FAM135B: variants seen among roughly 807,000 people sequenced by gnomAD.
FAM135B encodes the protein family with sequence similarity 135 member B.
Under a neutral mutation model 127.7 loss-of-function variants are expected in FAM135B, and 43 were observed. That is an observed-to-expected ratio of 0.34 (90% CI 0.26 to 0.43). The LOEUF (loss-of-function observed/expected upper bound fraction) is 0.43. Ranked by LOEUF, FAM135B falls within the 20% of genes least tolerant of loss-of-function variation. The probability of loss-of-function intolerance (pLI) is 1.00; values close to 1 mark genes in which losing one functional copy is unlikely to be tolerated. For synonymous variants in FAM135B, 670 were observed against 665.1 expected (o/e 1.01, Z -0.11); for missense variants, 1,558 against 1,725.6 (o/e 0.90, Z 1.72).
At chr8:138,410,719 G>C (rs188327026) in intron 1 of FAM135B, among the ~76,000 whole-genome samples, 1 of 152,170 alleles carries the variant, frequency 6.6e-6, no homozygotes, top group African/African-American at 2.4e-5. Context: ...TGTGGAAAGC[G>C]GTTGGAGATT....
At chr8:138,156,924 G>T (rs9693894) in intron 12 of FAM135B, among the ~76,000 whole-genome samples, 105,076 of 151,850 alleles carry the variant, frequency 0.69, 36,376 homozygotes, top group East Asian at 0.75. Context: ...GAAAAAGAGG[G>T]AATCCTCCCT....
chr8:138,234,731 T>C (rs1420563410), intron 7 of FAM135B, among the ~76,000 whole-genome samples: 3 of 152,234 alleles, frequency 2.0e-5, no homozygotes, highest in South Asian at 4.1e-4. Context: ...ACTCCGTGTA[T>C]AGGCAGACAT....
Position 138,132,550 on chromosome 8 carries a change from C to T in FAM135B, c.*43G>A, listed in dbSNP as rs1563663866. The T allele has an allele frequency of 6.6e-7, 1 of 1,519,252 alleles. No homozygotes were observed. The allele number at this position is 1,519,252 out of a possible 1,614,324, so 94.1% of individuals were successfully genotyped here. On this transcript the variant is annotated 3_prime_UTR_variant, in exon 20 of 20. Transcript: ENST00000395297. The surrounding 1 kb of genome is among the most constrained non-coding windows in gnomAD (Gnocchi z 4.5). Reference sequence around the variant, plus strand: ...AAAGCAGGTCTCAGCTAAAGCTCTCCACCGATCGTAAGCATTACCAAAGAC... The same window carrying T: ...AAAGCAGGTCTCAGCTAAAGCTCTCTACCGATCGTAAGCATTACCAAAGAC...
At chr8:138,346,310 C>G (rs1326686721) in intron 2 of FAM135B, among the ~76,000 whole-genome samples, 1 of 152,148 alleles carries the variant, frequency 6.6e-6, no homozygotes, top group Admixed American at 6.5e-5. Context: ...GGCATACAAC[C>G]AAGGAAATAT....
intron 7 of FAM135B, among the ~76,000 whole-genome samples, chr8:138,205,134 G>A (rs1817456306): frequency 6.6e-6 from 1 of 152,090 alleles, no homozygotes; most frequent in East Asian, 1.9e-4. Flanking sequence ...CTTATTATTT[G>A]ACTCTTAAAT....
chr8:138,429,012 T>C (rs911438319), intron 1 of FAM135B, among the ~76,000 whole-genome samples: 13 of 152,188 alleles, frequency 8.5e-5, no homozygotes, highest in Non-Finnish European at 1.5e-4. Flanking sequence ...TCAGAGCTTA[T>C]CTTTTGTAGT....
chr8:138,299,710 A>C (rs1825740298), intron 3 of FAM135B, among the ~76,000 whole-genome samples: 1 of 152,178 alleles, frequency 6.6e-6, no homozygotes, highest in Non-Finnish European at 1.5e-5. Flanking sequence ...GTCTCTATGA[A>C]AATGTCAGTG....
At chr8:138,142,462 C>T (rs1817277596) in intron 16 of FAM135B, among the ~76,000 whole-genome samples, 1 of 151,808 alleles carries the variant, frequency 6.6e-6, no homozygotes, top group Non-Finnish European at 1.5e-5. Flanking sequence ...CGCCACCACT[C>T]CCAGCTAATA....
At chr8:138,352,271 C>A (rs1455237074) in intron 2 of FAM135B, among the ~76,000 whole-genome samples, 1 of 152,154 alleles carries the variant, frequency 6.6e-6, no homozygotes, top group African/African-American at 2.4e-5. Context: ...CTTTAAATAT[C>A]AAATCTGAAT....
At chr8:138,376,079 C>T (rs548977767) in intron 1 of FAM135B, among the ~76,000 whole-genome samples, 17 of 151,972 alleles carry the variant, frequency 1.1e-4, no homozygotes, top group East Asian at 3.9e-4. Flanking sequence ...CTGCAACCTC[C>T]GCCTCCTGGG....
intron 1 of FAM135B, among the ~76,000 whole-genome samples, chr8:138,379,898 A>G (rs1000984057): frequency 6.6e-6 from 1 of 152,236 alleles, no homozygotes; most frequent in Non-Finnish European, 1.5e-5. Flanking sequence ...CAGGAGCTGA[A>G]GACGGGATTC....
At chr8:138,180,988 C>A (rs1293177835) in intron 9 of FAM135B, among the ~76,000 whole-genome samples, 1 of 152,004 alleles carries the variant, frequency 6.6e-6, no homozygotes, top group African/African-American at 2.4e-5. Flanking sequence ...TACCTGTAAT[C>A]CCAGAACTTT....
chr8:138,151,729 G>A lies in FAM135B; in HGVS notation c.2746C>T (p.Gln916Ter), dbSNP rs534389609. The part of the protein sequence containing the change: ...GMPKDLNVGQ[Q>*]ALSNSGISEV... ...GAGATGCCACTGTTGGAAAGAGCTTGCTGACCCACATTCAAGTCTTTAGGC... is the reference window on the plus strand; with the variant it reads ...GAGATGCCACTGTTGGAAAGAGCTTACTGACCCACATTCAAGTCTTTAGGC... The change falls in exon 13 of 20, where the codon CAA (glutamine) becomes TAA (stop). Residue 916 changes from glutamine to a stop codon, truncating the protein, a stop_gained. Transcript: ENST00000395297. LOFTEE classifies it high-confidence loss of function. The A allele has an allele frequency of 1.2e-6, 2 of 1,614,196 alleles. No individual in the cohort carries two copies. Among genetic ancestry groups the A allele is most frequent in the East Asian group, 2.2e-5 (1 of 44,870 alleles).
intron 7 of FAM135B, among the ~76,000 whole-genome samples, chr8:138,233,054 C>T (rs1820019934): frequency 6.6e-6 from 1 of 152,132 alleles, no homozygotes; most frequent in African/African-American, 2.4e-5. Context: ...TGTTCTGTGA[C>T]TAGTTGATGT....
chr8:138,470,974 C>G (rs1463045680), intron 1 of FAM135B, among the ~76,000 whole-genome samples: 1 of 152,244 alleles, frequency 6.6e-6, no homozygotes, highest in Non-Finnish European at 1.5e-5. Flanking sequence ...ATACATGCCT[C>G]TCACTCTGGA....
At chr8:138,319,008 C>T (rs920144384) in intron 2 of FAM135B, among the ~76,000 whole-genome samples, 1 of 152,126 alleles carries the variant, frequency 6.6e-6, no homozygotes. Flanking sequence ...ACTATGATTT[C>T]TGTCTTAAAG....
chr8:138,217,257 A>G (rs1252356543), intron 7 of FAM135B, among the ~76,000 whole-genome samples: 1 of 152,172 alleles, frequency 6.6e-6, no homozygotes, highest in Non-Finnish European at 1.5e-5. Context: ...AATTATCAAT[A>G]TACTTCTGGA....
chr8:138,427,275 A>C (rs965140858), intron 1 of FAM135B, among the ~76,000 whole-genome samples: 2 of 146,952 alleles, frequency 1.4e-5, no homozygotes, highest in Non-Finnish European at 3.0e-5. Flanking sequence ...CATCAAGATT[A>C]TATATATATA....
chr8:138,490,959 G>A (rs1274882483), intron 1 of FAM135B, among the ~76,000 whole-genome samples: 2 of 151,908 alleles, frequency 1.3e-5, no homozygotes, highest in Admixed American at 6.6e-5. Context: ...CCTGACCAAC[G>A]TGGTGAAACT....
Sources: gnomAD v4.1 joint callset for allele counts (sites outside exome capture counted in the v4.1 genomes callset) on GRCh38, gnomAD v4.1.1 for gene constraint, Gnocchi (gnomAD v3.1) non-coding constraint, MANE v1.5 for transcripts, NCBI Gene and HGNC (gene_info 2026-07-23, HGNC 2026-07-21) for gene names.